GPR160: variants seen among roughly 807,000 people sequenced by gnomAD.
The protein encoded by GPR160 is G protein-coupled receptor 160.
A neutral mutation model predicts 2.6 loss-of-function variants in GPR160; 2 were observed. That is an observed-to-expected ratio of 0.77 (90% CI 0.32 to 2.44). The LOEUF (loss-of-function observed/expected upper bound fraction) is 2.44, where lower values mean the gene tolerates loss of function less well. GPR160 is among the 30% of genes most tolerant of loss of function. The probability of loss-of-function intolerance (pLI) is 0.11; values close to 1 mark genes in which losing one functional copy is unlikely to be tolerated. For missense variants in GPR160, 351 were observed against 383.6 expected (o/e 0.91, Z 0.71); for synonymous variants, 130 against 132.2 (o/e 0.98, Z 0.12).
At chr3:170,055,593 A>AT (rs1304111045) in intron 2 of GPR160, among the ~76,000 whole-genome samples, 3 of 152,156 alleles carry the variant, frequency 2.0e-5, no homozygotes, top group African/African-American at 7.2e-5. Context: ...CATGATAATC[A>AT]TTGAGAACCA....
intron 2 of GPR160, among the ~76,000 whole-genome samples, chr3:170,075,810 C>A (rs1007537775): frequency 6.6e-6 from 1 of 152,180 alleles, no homozygotes; most frequent in African/African-American, 2.4e-5. Context: ...AATCATCTAT[C>A]CCCTACCTTG....
chr3:170,083,099 TCCTA>T (rs1171810441), intron 3 of GPR160, among the ~76,000 whole-genome samples: 6 of 152,058 alleles, frequency 3.9e-5, no homozygotes, highest in Non-Finnish European at 8.8e-5. Flanking sequence ...TTCTTGAATC[TCCTA>T]CCTTTCCTTT....
intron 2 of GPR160, among the ~76,000 whole-genome samples, chr3:170,060,394 A>G (rs979984980): frequency 5.3e-5 from 8 of 152,234 alleles, no homozygotes; most frequent in Admixed American, 5.2e-4. Context: ...TAAAACTATC[A>G]GGTGAAACTT....
intron 2 of GPR160, among the ~76,000 whole-genome samples, chr3:170,065,947 G>A (rs1213240432): frequency 6.6e-6 from 1 of 151,496 alleles, no homozygotes; most frequent in East Asian, 1.9e-4. Flanking sequence ...TTAAGAGATG[G>A]GGTCTCGCTA....
At chr3:170,075,917 AG>A in intron 2 of GPR160, among the ~76,000 whole-genome samples, 1 of 152,194 alleles carries the variant, frequency 6.6e-6, no homozygotes, top group East Asian at 1.9e-4. Flanking sequence ...TGCTTCTGGC[AG>A]ATCACTGATA....
intron 2 of GPR160, among the ~76,000 whole-genome samples, chr3:170,051,597 C>T (rs1716961793): frequency 6.6e-6 from 1 of 152,130 alleles, no homozygotes. Context: ...CGGTGGCATG[C>T]GCCTGTAATC....
chr3:170,046,219 G>A (rs1716715633), intron 2 of GPR160, among the ~76,000 whole-genome samples: 1 of 152,204 alleles, frequency 6.6e-6, no homozygotes, highest in African/African-American at 2.4e-5. Flanking sequence ...TGTTCTCCAT[G>A]ACAAATGCTA....
chr3:170,072,819 A>T (rs896034828), intron 2 of GPR160, among the ~76,000 whole-genome samples: 1 of 152,156 alleles, frequency 6.6e-6, no homozygotes, highest in Non-Finnish European at 1.5e-5. Context: ...AGCATTGGAG[A>T]TCACATTTCA....
At chr3:170,048,316 G>T (rs1393869536) in intron 2 of GPR160, among the ~76,000 whole-genome samples, 2 of 152,130 alleles carry the variant, frequency 1.3e-5, no homozygotes, top group East Asian at 3.8e-4. Flanking sequence ...TAGGTACAAT[G>T]TACACTACCT....
chr3:170,071,568 G>A (rs1353224948), intron 2 of GPR160, among the ~76,000 whole-genome samples: 1 of 152,108 alleles, frequency 6.6e-6, no homozygotes, highest in Admixed American at 6.5e-5. Flanking sequence ...TGAGGTGGGT[G>A]GATCACTTGA....
chr3:170,051,310 C>A (rs996677131), intron 2 of GPR160, among the ~76,000 whole-genome samples: 1 of 152,106 alleles, frequency 6.6e-6, no homozygotes, highest in African/African-American at 2.4e-5. Flanking sequence ...TCTATATCAT[C>A]TTTGATGACA....
At chr3:170,060,985 G>T (rs1711910888) in intron 2 of GPR160, among the ~76,000 whole-genome samples, 3 of 151,984 alleles carry the variant, frequency 2.0e-5, no homozygotes, top group Admixed American at 1.3e-4. Context: ...CTTCAAAAAT[G>T]TCAGTATTGC....
At chr3:170,081,739 A>C (rs1576916764) in intron 3 of GPR160, among the ~76,000 whole-genome samples, 2 of 151,942 alleles carry the variant, frequency 1.3e-5, no homozygotes, top group East Asian at 3.9e-4. Context: ...CTCCTCCCTC[A>C]AGTAGACCCC....
intron 2 of GPR160, among the ~76,000 whole-genome samples, chr3:170,055,433 G>T (rs1711588627): frequency 6.6e-6 from 1 of 152,190 alleles, no homozygotes; most frequent in African/African-American, 2.4e-5. Context: ...TAACCTCTCT[G>T]GTGGTTGAGT....
chr3:170,050,062 CTTT>C (rs35059153), intron 2 of GPR160, among the ~76,000 whole-genome samples: 2 of 144,482 alleles, frequency 1.4e-5, no homozygotes, highest in African/African-American at 2.5e-5. Context: ...CAGACAATTC[CTTT>C]TTTTTTTTTT....
At chr3:170,043,592 T>G (rs773475880) in intron 2 of GPR160, among the ~76,000 whole-genome samples, 4 of 152,232 alleles carry the variant, frequency 2.6e-5, no homozygotes, top group Non-Finnish European at 5.9e-5. Context: ...GTCTTGCAGC[T>G]AGATTCAAAC....
chr3:170,052,820 CTT>C (rs1381550562), intron 2 of GPR160, among the ~76,000 whole-genome samples: 1 of 152,022 alleles, frequency 6.6e-6, no homozygotes, highest in Non-Finnish European at 1.5e-5. Context: ...ACATATTCTC[CTT>C]TGTTTTCCTT....
At position 170,038,543 on chromosome 3, in the gene GPR160, C is replaced by T. The variant is rs1380848943; in HGVS notation, c.-322+328C>T. On this transcript the variant is annotated intron_variant, in intron 1 of 3. Coordinates refer to ENST00000355897, the MANE Select transcript of GPR160 (RefSeq NM_014373.3). This position sits in a 1 kb window ranked among gnomAD's most constrained non-coding sequence, Gnocchi z 5.3. ...CGCACCCAGAGACTCGCCACCCTCTCTCCAGGGGAGATGCTTTTTAAACAT... is the reference window on the plus strand; with the variant it reads ...CGCACCCAGAGACTCGCCACCCTCTTTCCAGGGGAGATGCTTTTTAAACAT... The T allele has an allele frequency of 6.6e-6, 1 of 152,244 alleles. No individual in the cohort carries two copies. Among genetic ancestry groups the T allele is most frequent in the Non-Finnish European group, 1.5e-5 (1 of 68,098 alleles). 9.4% of individuals were successfully genotyped at this position (152,244 alleles called of 1,614,324 possible).
chr3:170,050,880 G>C (rs1033296142), intron 2 of GPR160, among the ~76,000 whole-genome samples: 1 of 152,188 alleles, frequency 6.6e-6, no homozygotes, highest in Admixed American at 6.5e-5. Flanking sequence ...ATTGTTCCCA[G>C]GGCTTGGCTA....
Sources: gnomAD v4.1 joint callset for allele counts (sites outside exome capture counted in the v4.1 genomes callset) on GRCh38, gnomAD v4.1.1 for gene constraint, Gnocchi (gnomAD v3.1) non-coding constraint, MANE v1.5 for transcripts, NCBI Gene and HGNC (gene_info 2026-07-23, HGNC 2026-07-21) for gene names.